CRACD: variants seen among roughly 807,000 people sequenced by gnomAD.
CRACD encodes the protein capping protein inhibiting regulator of actin dynamics.
Under a neutral mutation model 106.8 loss-of-function variants are expected in CRACD, and 56 were observed. The observed-to-expected ratio is 0.52, with a 90% confidence interval of 0.42 to 0.66. CRACD has a LOEUF of 0.66. Ranked by LOEUF, CRACD falls within the 30% of genes least tolerant of loss-of-function variation. The pLI, the probability that CRACD is intolerant of heterozygous loss-of-function variation, is 0.00. For synonymous variants in CRACD, 754 were observed against 670.8 expected, an observed-to-expected ratio of 1.12 and a Z score of -1.92; for missense variants, 1,730 against 1,623.2, an observed-to-expected ratio of 1.07 and a Z score of -1.13.
chr4:56,159,723 G>A (rs1735883544), intron 1 of CRACD, among the ~76,000 whole-genome samples: 1 of 152,090 alleles, frequency 6.6e-6, no homozygotes, highest in Non-Finnish European at 1.5e-5. Flanking sequence ...GTCCTACATA[G>A]TACCTACAGT....
chr4:56,305,189 C>A (rs879878678), intron 4 of CRACD, among the ~76,000 whole-genome samples: 1 of 152,186 alleles, frequency 6.6e-6, no homozygotes, highest in Non-Finnish European at 1.5e-5. Flanking sequence ...CCACTGCACT[C>A]TAGCCTGTGC....
intron 3 of CRACD, among the ~76,000 whole-genome samples, chr4:56,278,357 G>A (rs1047085367): frequency 6.6e-6 from 1 of 151,970 alleles, no homozygotes; most frequent in Non-Finnish European, 1.5e-5. Flanking sequence ...AAACTCTTAC[G>A]TTTGTGGTCA....
chr4:56,071,514 T>TC (rs1411337545), intron 1 of CRACD, among the ~76,000 whole-genome samples: 1 of 151,200 alleles, frequency 6.6e-6, no homozygotes, highest in African/African-American at 2.4e-5. Context: ...TCTTTTCTTT[T>TC]TTTTTTTTTG....
At chr4:56,316,943 G>T (rs1175688584) in intron 8 of CRACD, among the ~76,000 whole-genome samples, 1 of 152,164 alleles carries the variant, frequency 6.6e-6, no homozygotes, top group Non-Finnish European at 1.5e-5. Context: ...AGGGTAATTT[G>T]GGCCACATTA....
intron 2 of CRACD, among the ~76,000 whole-genome samples, chr4:56,259,604 G>T (rs1195537379): frequency 6.6e-6 from 1 of 152,162 alleles, no homozygotes; most frequent in Non-Finnish European, 1.5e-5. Flanking sequence ...GAATCAAGGG[G>T]TAGAAATAAG....
intron 2 of CRACD, among the ~76,000 whole-genome samples, chr4:56,256,461 A>G (rs1703284499): frequency 6.6e-6 from 1 of 152,172 alleles, no homozygotes; most frequent in Non-Finnish European, 1.5e-5. Flanking sequence ...AACTAATACA[A>G]CTACTCTCCT....
chr4:56,071,166 G>A (rs929351426), intron 1 of CRACD, among the ~76,000 whole-genome samples: 3 of 152,038 alleles, frequency 2.0e-5, no homozygotes, highest in Admixed American at 1.3e-4. Flanking sequence ...AACTTACTTT[G>A]GTAAGACTTT....
At chr4:56,232,810 T>C (rs1451122580) in intron 2 of CRACD, among the ~76,000 whole-genome samples, 5 of 151,884 alleles carry the variant, frequency 3.3e-5, no homozygotes, top group Non-Finnish European at 5.9e-5. Flanking sequence ...CTGCAAACTC[T>C]GCCTCCTGGG....
At chr4:56,253,470 G>A (rs373460668) in intron 2 of CRACD, among the ~76,000 whole-genome samples, 2 of 152,146 alleles carry the variant, frequency 1.3e-5, no homozygotes, top group Non-Finnish European at 2.9e-5. Flanking sequence ...AATGGCAGAG[G>A]TGGCCAAGCC....
At position 56,307,058 on chromosome 4, in the gene CRACD, T is replaced by A. The variant is rs530965294; in HGVS notation, c.121-477T>A. On this transcript the variant is annotated intron_variant, in intron 4 of 10. Transcript: ENST00000682029. ...GAAGTATAAATCTTCAAAGTGAATA[T>A]GTCCCAAAGGGGCTGGAGAGTTGCA... 2.6e-4 allele frequency among the ~76,000 whole-genome samples: 39 copies of A among 152,338 alleles called. No homozygotes were observed. In the East Asian group the frequency reaches 6.9e-3, roughly 27 times the overall value.
chr4:56,283,595 G>T (rs1382378387), intron 3 of CRACD, among the ~76,000 whole-genome samples: 1 of 152,152 alleles, frequency 6.6e-6, no homozygotes, highest in Non-Finnish European at 1.5e-5. Flanking sequence ...TGACTTGGCA[G>T]GTGAGTCAAA....
At chr4:56,065,287 C>G (rs759776398) in intron 1 of CRACD, among the ~76,000 whole-genome samples, 36 of 152,022 alleles carry the variant, frequency 2.4e-4, no homozygotes, top group Non-Finnish European at 4.6e-4. Context: ...GGGGTTTCAC[C>G]ATATTGGTCA....
At chr4:56,159,211 A>G (rs1442983400) in intron 1 of CRACD, among the ~76,000 whole-genome samples, 1 of 152,220 alleles carries the variant, frequency 6.6e-6, no homozygotes, top group Non-Finnish European at 1.5e-5. Context: ...TCTCTAGTAC[A>G]TTTTTACCGT....
chr4:56,127,845 G>A (rs147116571), intron 1 of CRACD, among the ~76,000 whole-genome samples: 301 of 152,302 alleles, frequency 2.0e-3, no homozygotes, highest in African/African-American at 6.4e-3. Flanking sequence ...AATATGGAAA[G>A]CCTCATTAAA....
chr4:56,067,650 A>C (rs1168768421), intron 1 of CRACD, among the ~76,000 whole-genome samples: 1 of 152,052 alleles, frequency 6.6e-6, no homozygotes, highest in Non-Finnish European at 1.5e-5. Flanking sequence ...GTCTCGGCTC[A>C]CTGCAATCTC....
intron 2 of CRACD, among the ~76,000 whole-genome samples, chr4:56,182,842 T>C (rs1254851514): frequency 6.7e-6 from 1 of 148,302 alleles, no homozygotes; most frequent in African/African-American, 2.5e-5. Flanking sequence ...TTTTTTCTCA[T>C]ACAACGTAGA....
intron 1 of CRACD, among the ~76,000 whole-genome samples, chr4:56,053,933 T>A (rs563028126): frequency 6.6e-6 from 1 of 152,316 alleles, no homozygotes; most frequent in East Asian, 1.9e-4. Flanking sequence ...GAACATCAGA[T>A]TTCATCCTTA....
chr4:56,288,175 C>T (rs561501600), intron 3 of CRACD, among the ~76,000 whole-genome samples: 1 of 152,050 alleles, frequency 6.6e-6, no homozygotes, highest in Non-Finnish European at 1.5e-5. Flanking sequence ...CTCCTTTTTT[C>T]TTCCTCTTTT....
chr4:56,137,893 A>G (rs747266952), intron 1 of CRACD, among the ~76,000 whole-genome samples: 1 of 152,224 alleles, frequency 6.6e-6, no homozygotes, highest in Non-Finnish European at 1.5e-5. Context: ...TGTTGTTATT[A>G]TATTTCAGAT....
Sources: allele counts gnomAD v4.1 joint callset (sites outside exome capture counted in the v4.1 genomes callset), GRCh38; gene constraint gnomAD v4.1.1; transcripts MANE v1.5; gene names NCBI Gene and HGNC (gene_info 2026-07-23, HGNC 2026-07-21).